NOP56: variants seen among roughly 807,000 people sequenced by gnomAD.
The protein encoded by NOP56 is NOP56 ribonucleoprotein.
A neutral mutation model predicts 58.3 loss-of-function variants in NOP56; 31 were observed. The ratio of observed to expected loss-of-function variants is 0.53; its 90% confidence interval spans 0.40 to 0.72. The LOEUF (loss-of-function observed/expected upper bound fraction) is 0.72. NOP56 is among the 30% of genes least tolerant of loss of function. The probability of loss-of-function intolerance (pLI) is 0.00; values close to 1 mark genes in which losing one functional copy is unlikely to be tolerated. For missense variants in NOP56, 669 were observed against 739.9 expected (o/e 0.90, Z 1.11); for synonymous variants, 313 against 282.8 (o/e 1.11, Z -1.07).
Position 2,652,683 on chromosome 20 carries a change from CGCG to C in NOP56, c.3+22_3+24del. ...GCCATGGTGAGGAGTGGTTGCGGGGCGCGGGCGACGCGACGGTGGGGGTTTCGG... is the reference window on the plus strand; with the variant it reads ...GCCATGGTGAGGAGTGGTTGCGGGGCGGCGACGCGACGGTGGGGGTTTCGG... On this transcript the variant is annotated intron_variant, in intron 1 of 11. Coordinates refer to ENST00000329276, the MANE Select transcript of NOP56 (RefSeq NM_006392.4). 2 of 670,366 alleles carry C rather than the reference CGCG, an allele frequency of 3.0e-6. No individual in the cohort carries two copies. The highest frequency in any genetic ancestry group is 3.9e-6 in the Non-Finnish European group (2 of 512,920). The allele number at this position is 670,366 out of a possible 1,614,324, so 41.5% of individuals were successfully genotyped here. A position where few individuals can be genotyped will look rare whatever the true frequency, so the allele number is the denominator to read the frequency against.
chr20:2,654,463 C>G lies in NOP56; in HGVS notation c.258C>G (p.Ser86=), dbSNP rs1452540021. ...LRLLLETHLP[S]KKKKVLLGVG... Reference sequence around the variant, plus strand: ...TGCTCTTGGAGACCCACCTGCCGTCCAAAAAGAAGAAAGTACTCTTGGGAG... The same window carrying G: ...TGCTCTTGGAGACCCACCTGCCGTCGAAAAAGAAGAAAGTACTCTTGGGAG... The change falls in exon 4 of 12, where the codon TCC becomes TCG. Residue 86 remains serine, a synonymous_variant. Coordinates refer to ENST00000329276, the MANE Select transcript of NOP56 (RefSeq NM_006392.4). 2 of 1,614,108 alleles carry G rather than the reference C, an allele frequency of 1.2e-6. No homozygotes were observed. Among genetic ancestry groups the G allele is most frequent in the Admixed American group, 1.7e-5 (1 of 60,014 alleles).
Position 2,653,292 on chromosome 20 carries a change from T to C in NOP56, c.107T>C (p.Val36Ala). The C allele has an allele frequency of 6.2e-7, 1 of 1,614,064 alleles. No homozygotes were observed. ...TTCTCCCCCCAGGTGGAGGAGTCTG[T>C]GCTCAACCTGGGCAAATTCCACAGC... ...SLLQPQVEES[V>A]LNLGKFHSIV... Residue 36 changes from valine (V) to alanine (A), a missense_variant, in exon 3 of 12, where the codon GTG (valine) becomes GCG (alanine). This residue lies in a region of NOP56 where 121 missense variants were observed against 113.1 expected (regional missense o/e 1.07). Transcript: ENST00000329276.
At chr20:2,654,383 T>G (rs1440757193) in intron 3 of NOP56, 31 bp from the exon 4 acceptor site, 1 of 1,613,606 alleles carries the variant, frequency 6.2e-7, no homozygotes, top group Admixed American at 1.7e-5. Context: ...TCCTTCAGCC[T>G]GTTAGTGGGA....
At chr20:2,657,031 C>G in intron 10 of NOP56, 50 bp from the exon 11 acceptor site, 1 of 1,614,064 alleles carries the variant, frequency 6.2e-7, no homozygotes, top group Non-Finnish European at 8.5e-7. Flanking sequence ...GAAAGGAGTC[C>G]TCAGAGCACC....
Position 2,657,980 on chromosome 20 carries a change from C to T in NOP56, c.1471C>T (p.Pro491Ser). Residue 491 changes from proline (P) to serine (S), a missense_variant, in exon 12 of 12, where the codon CCT (proline) becomes TCT (serine). By Grantham distance (74) the Pro-to-Ser change is moderately conservative (BLOSUM62 -1). Transcript: ENST00000329276. ...GAAAAAGCAAAAGCCCCAGGAGGTT[C>T]CTCAGGAGAATGGAATGGAAGACCC... ...KKKKQKPQEV[P>S]QENGMEDPSI... 6.2e-7 allele frequency: 1 copy of T among 1,610,098 alleles called. No homozygotes were observed. The highest frequency in any genetic ancestry group is 8.5e-7 in the Non-Finnish European group (1 of 1,177,424).
chr20:2,653,128 C>G, intron 2 of NOP56, 151 bp from the exon 3 acceptor site: 2 of 801,408 alleles, frequency 2.5e-6, no homozygotes, highest in South Asian at 3.3e-5. Context: ...GCCTCCCGGA[C>G]GCCGCCCCCG....
intron 7 of NOP56, 38 bp downstream of exon 7, chr20:2,655,784 C>T (rs2086808881): frequency 1.2e-6 from 2 of 1,613,966 alleles, no homozygotes; most frequent in Non-Finnish European, 1.7e-6. Context: ...AGAATAAGGA[C>T]TGTTGCCATG....
chr20:2,657,016 A>AGCCAGAAAGGAGTCCTCAGAGC, intron 10 of NOP56, 65 bp from the exon 11 acceptor site: 2 of 1,614,070 alleles, frequency 1.2e-6, no homozygotes, highest in Non-Finnish European at 1.7e-6. Context: ...GATCCAATAA[A>AGCCAGAAAGGAGTCCTCAGAGC]GCCAGAAAGG....
At chr20:2,652,744 T>TGGGCCCGGGCCC (rs762034044) in intron 1 of NOP56, 81 bp downstream of exon 1, 1 of 1,522,772 alleles carries the variant, frequency 6.6e-7, no homozygotes, top group South Asian at 1.2e-5. Context: ...GGCCTGGGCC[T>TGGGCCCGGGCCC]GGGCCTGGGC....
At chr20:2,657,400 A>G (rs941394541) in intron 11 of NOP56, 182 bp downstream of exon 11, 5 of 891,150 alleles carry the variant, frequency 5.6e-6, no homozygotes, top group South Asian at 1.4e-5. Flanking sequence ...AACTTGCTCA[A>G]GAGCCCAGAG....
chr20:2,656,884 G>A lies in NOP56; in HGVS notation c.1270G>A (p.Ala424Thr). Residue 424 changes from alanine (A) to threonine (T), a missense_variant, in exon 10 of 12, where the codon GCA (alanine) becomes ACA (threonine). This residue lies in a region of NOP56 where 339 missense variants were observed against 430.5 expected (regional missense o/e 0.79). Coordinates refer to ENST00000329276, the MANE Select transcript of NOP56 (RefSeq NM_006392.4). ...AAAGAATCTGGATGTCATGAAGGAA[G>A]CAATGGTTCAGGTCAGTTGGGCTTT... Reference protein sequence around the residue: ...PRKNLDVMKEAMVQAEEAAAE... With the variant: ...PRKNLDVMKETMVQAEEAAAE... 6.2e-7 allele frequency: 1 copy of A among 1,614,192 alleles called. No individual in the cohort carries two copies. The highest frequency in any genetic ancestry group is 8.5e-7 in the Non-Finnish European group (1 of 1,180,048).
chr20:2,652,678 CGGGGCG>C lies in NOP56; in HGVS notation c.3+16_3+21del, dbSNP rs1405462908. 9.0e-6 allele frequency: 13 copies of C among 1,450,166 alleles called. No homozygotes were observed. The highest frequency in any genetic ancestry group is 1.6e-5 in the African/African-American group (1 of 63,512). The allele number at this position is 1,450,166 out of a possible 1,614,324, so 89.8% of individuals were successfully genotyped here. On this transcript the variant is annotated intron_variant, in intron 1 of 11. Transcript: ENST00000329276. ...CTGGCGCCATGGTGAGGAGTGGTTG[CGGGGCG>C]CGGGCGACGCGACGGTGGGGGTTTC...
In NOP56 at chr20:2,652,912, T is replaced by G; in HGVS notation, c.74T>G (p.Ile25Ser). The G allele has an allele frequency of 6.2e-7, 1 of 1,606,824 alleles. No individual in the cohort carries two copies. Among genetic ancestry groups the G allele is most frequent in the Non-Finnish European group, 8.5e-7 (1 of 1,176,644 alleles). The change falls in exon 2 of 12, where the codon ATC becomes AGC. Residue 25 changes from isoleucine (I) to serine (S), a missense_variant. By Grantham distance (142) the Ile-to-Ser change is moderately radical (BLOSUM62 -2). Around this residue, in one of 3 missense-constraint regions of NOP56, gnomAD observed 121 missense variants for 113.1 expected, o/e 1.07. Transcript: ENST00000329276. ...CTGGCGCTGAAGGAAGTGGAGGAGATCAGTCTGCTGCAGCCGCAGGTGGGT... is the reference window on the plus strand; with the variant it reads ...CTGGCGCTGAAGGAAGTGGAGGAGAGCAGTCTGCTGCAGCCGCAGGTGGGT... ...ALLALKEVEE[I>S]SLLQPQVEES...
At position 2,656,572 on chromosome 20, in the gene NOP56, A is replaced by G. The variant is rs530369361; in HGVS notation, c.1159+23A>G. 10 of 1,358,412 alleles carry G rather than the reference A, an allele frequency of 7.4e-6. No homozygotes were observed. The South Asian group carries it at 8.0e-5, about 11-fold the overall frequency. The allele number at this position is 1,358,412 out of a possible 1,614,324, so 84.1% of individuals were successfully genotyped here. A position where few individuals can be genotyped will look rare whatever the true frequency, so the allele number is the denominator to read the frequency against. ...CTGGTATGGGTGGGGGGGCGTTGGCAGGTGTGAGAAGGGGCTGGGTGGCTG... is the reference window on the plus strand; with the variant it reads ...CTGGTATGGGTGGGGGGGCGTTGGCGGGTGTGAGAAGGGGCTGGGTGGCTG... On this transcript the variant is annotated intron_variant, in intron 9 of 11. Transcript: ENST00000329276.
At chr20:2,657,029 T>G in intron 10 of NOP56, 52 bp from the exon 11 acceptor site, 1 of 1,613,318 alleles carries the variant, frequency 6.2e-7, no homozygotes, top group Non-Finnish European at 8.5e-7. Flanking sequence ...CAGAAAGGAG[T>G]CCTCAGAGCA....
At chr20:2,653,439 C>A in intron 3 of NOP56, 46 bp downstream of exon 3, 2 of 1,506,156 alleles carry the variant, frequency 1.3e-6, no homozygotes, top group Non-Finnish European at 1.8e-6. Context: ...TGGTTCCTTT[C>A]GGTATCCTCT....
At chr20:2,655,818 T>G in intron 7 of NOP56, 72 bp downstream of exon 7, 1 of 1,611,478 alleles carries the variant, frequency 6.2e-7, no homozygotes, top group South Asian at 1.1e-5. Context: ...CTGTATTTCG[T>G]GACCCACCAT....
At chr20:2,656,218 A>T (rs1471463019) in intron 8 of NOP56, 183 bp from the exon 9 acceptor site, 1 of 1,604,626 alleles carries the variant, frequency 6.2e-7, no homozygotes, top group African/African-American at 1.3e-5. Context: ...TTTCCAGGTC[A>T]GCGACATTGG....
rs1437759948 is a variant in NOP56 at position 2,657,414 on chromosome 20, T to C, written c.1419+196T>C. The C allele has an allele frequency of 3.6e-6, 3 of 834,028 alleles. No homozygotes were observed. The Admixed American group carries it at 6.0e-5, about 17-fold the overall frequency. The allele number at this position is 834,028 out of a possible 1,614,324, so 51.7% of individuals were successfully genotyped here. A position where few individuals can be genotyped will look rare whatever the true frequency, so the allele number is the denominator to read the frequency against. On this transcript the variant is annotated intron_variant, in intron 11 of 11. Transcript: ENST00000329276. The stretch of plus-strand genomic sequence containing the variant: ...GAACTTGCTCAAGAGCCCAGAGAGC[T>C]GGTTGTAGCTCACACCCGTTCCCTG...
Sources: allele counts gnomAD v4.1 joint callset, GRCh38; gene constraint gnomAD v4.1.1; regional missense constraint gnomAD v4.1.1; transcripts MANE v1.5; gene names NCBI Gene and HGNC (gene_info 2026-07-23, HGNC 2026-07-21).